Variants in PCDHA3 observed in about 807,000 individuals in gnomAD.
The protein encoded by PCDHA3 is protocadherin alpha 3, also known as protocadherin alpha-3.
A neutral mutation model predicts 62.2 loss-of-function variants in PCDHA3; 41 were observed. That is an observed-to-expected ratio of 0.66 (90% CI 0.51 to 0.86). The LOEUF is 0.86. Among genes scored for constraint, PCDHA3 ranks in the 40% least tolerant of loss-of-function variants. The probability of loss-of-function intolerance (pLI) is 0.00; values close to 1 mark genes in which losing one functional copy is unlikely to be tolerated. For synonymous variants in PCDHA3, 640 were observed against 555.4 expected, an observed-to-expected ratio of 1.15 and a Z score of -2.14; for missense variants, 1,304 against 1,241.2, an observed-to-expected ratio of 1.05 and a Z score of -0.76.
intron 3 of PCDHA3, 87 bp downstream of exon 3, chr5:140,982,650 C>T (rs1299219435): frequency 4.6e-6 from 7 of 1,507,000 alleles, no homozygotes; most frequent in Non-Finnish European, 5.3e-6. Flanking sequence ...ATGTTGATGG[C>T]TCTTTTTCTT....
chr5:140,877,178 C>T (rs370071106), intron 1 of PCDHA3: 2 of 1,613,794 alleles, frequency 1.2e-6, no homozygotes, highest in South Asian at 2.2e-5. Context: ...CTGGCGACTC[C>T]GGCTGGCAGC....
Position 140,917,330 on chromosome 5 carries a change from A to AG in PCDHA3, c.2395-61611dup, listed in dbSNP as rs1425400137. Among the ~76,000 whole-genome samples the AG allele has an allele frequency of 2.5e-4, 26 of 103,228 alleles. 2 individuals carry two copies. The highest frequency in any genetic ancestry group is 3.2e-4 in the East Asian group (1 of 3,132). The allele number at this position is 103,228 out of a possible 152,430, so 67.7% of individuals were successfully genotyped here. On this transcript the variant is annotated intron_variant, in intron 1 of 3. Coordinates refer to ENST00000522353, the MANE Select transcript of PCDHA3 (RefSeq NM_018906.3). Reference sequence around the variant, plus strand: ...CAATTTGGTGTTCATGTGGCGGGGGAGGGGGGGGATGGTGTAGGCTTCTGT... The same window carrying AG: ...CAATTTGGTGTTCATGTGGCGGGGGAGGGGGGGGGATGGTGTAGGCTTCTGT...
At chr5:140,883,547 G>GC in intron 1 of PCDHA3, 5 of 1,614,234 alleles carry the variant, frequency 3.1e-6, no homozygotes, top group Non-Finnish European at 3.4e-6. Context: ...GGTGGTGACC[G>GC]CGCGGGACGG....
chr5:140,802,681 T>C lies in PCDHA3; in HGVS notation c.1484T>C (p.Val495Ala). The C allele has an allele frequency of 6.2e-7, 1 of 1,613,198 alleles. No homozygotes were observed. Among genetic ancestry groups the C allele is most frequent in the Non-Finnish European group, 8.5e-7 (1 of 1,179,816 alleles). The change falls in exon 1 of 4, where the codon GTG (valine) becomes GCG (alanine). Residue 495 changes from valine to alanine, a missense_variant. Physicochemically the swap from Val to Ala is moderately conservative, Grantham distance 64. Coordinates refer to ENST00000522353, the MANE Select transcript of PCDHA3 (RefSeq NM_018906.3). ...AACGCCCTGGTGTCCTACTCGCTGG[T>C]GGAACGGCGGGTGGGGGAGCGCGCG... ...QENALVSYSL[V>A]ERRVGERALS... is the part of the protein sequence containing the mutation.
chr5:140,916,242 T>A (rs1554197354), intron 1 of PCDHA3, among the ~76,000 whole-genome samples: 1 of 152,208 alleles, frequency 6.6e-6, no homozygotes, highest in Non-Finnish European at 1.5e-5. Flanking sequence ...AGCCAAAGCC[T>A]GGACTTGGGG....
chr5:140,922,131 TTATCC>T (rs2080656521), intron 1 of PCDHA3, among the ~76,000 whole-genome samples: 1 of 152,176 alleles, frequency 6.6e-6, no homozygotes, highest in South Asian at 2.1e-4. Context: ...TAAATGTCTC[TTATCC>T]TCCATGAAAC....
intron 1 of PCDHA3, chr5:140,969,203 G>T (rs781962982): frequency 8.1e-6 from 13 of 1,614,178 alleles, no homozygotes; most frequent in Non-Finnish European, 1.1e-5. Flanking sequence ...CAATACAGGG[G>T]CCCAGACAGG....
chr5:140,801,078 T>C lies in PCDHA3; in HGVS notation c.-120T>C. 1 of 1,478,150 alleles carries C rather than the reference T, an allele frequency of 6.8e-7. No individual in the cohort carries two copies. Among genetic ancestry groups the C allele is most frequent in the Non-Finnish European group, 8.9e-7 (1 of 1,121,172 alleles). 91.6% of individuals were successfully genotyped at this position (1,478,150 alleles called of 1,614,324 possible). The stretch of plus-strand genomic sequence containing the variant: ...GTGCATTACGTATTCAGATACTGCT[T>C]TGCTTCATCCTCTCTAAAATTTAAC... On this transcript the variant is annotated 5_prime_UTR_variant, in exon 1 of 4. Transcript: ENST00000522353.
intron 1 of PCDHA3, among the ~76,000 whole-genome samples, chr5:140,890,695 A>T (rs1196447488): frequency 6.6e-6 from 1 of 152,200 alleles, no homozygotes; most frequent in Non-Finnish European, 1.5e-5. Context: ...AAATGCAGGG[A>T]CCTTACATTT....
chr5:140,842,992 C>A, intron 1 of PCDHA3: 1 of 1,594,970 alleles, frequency 6.3e-7, no homozygotes, highest in Non-Finnish European at 8.6e-7. Flanking sequence ...TCGTGCTGGA[C>A]GAGAATGACA....
rs1777975197 is a variant in PCDHA3 at position 140,842,460 on chromosome 5, G to C, written c.2394+38869G>C. On this transcript the variant is annotated intron_variant, in intron 1 of 3. Coordinates refer to ENST00000522353, the MANE Select transcript of PCDHA3 (RefSeq NM_018906.3). ...ATTAGCGTGAACGACCTCGATTCAGGTGCCAACGGGCAGGTGACCTGCTCC... is the reference window on the plus strand; with the variant it reads ...ATTAGCGTGAACGACCTCGATTCAGCTGCCAACGGGCAGGTGACCTGCTCC... 1 of 1,613,782 alleles carries C rather than the reference G, an allele frequency of 6.2e-7. No homozygotes were observed. The highest frequency in any genetic ancestry group is 1.1e-5 in the South Asian group (1 of 91,070).
At chr5:140,850,996 T>A (rs2150505224) in intron 1 of PCDHA3, 3 of 1,441,956 alleles carry the variant, frequency 2.1e-6, no homozygotes, top group South Asian at 1.6e-5. Flanking sequence ...TTTCTAGAAA[T>A]CCAGCAGATT....
chr5:140,882,104 A>C, intron 1 of PCDHA3: 2 of 1,343,832 alleles, frequency 1.5e-6, no homozygotes. Context: ...CGTTTCCGCG[A>C]AGAAAGCCGC....
chr5:140,829,414 G>T lies in PCDHA3; in HGVS notation c.2394+25823G>T, dbSNP rs2150167500. On this transcript the variant is annotated intron_variant, in intron 1 of 3. Transcript: ENST00000522353. ...CTTCGCTGTGGGCCACCGCCAGCTTGTCTGTGGAGGTGGCCGACATGAATG... is the reference window on the plus strand; with the variant it reads ...CTTCGCTGTGGGCCACCGCCAGCTTTTCTGTGGAGGTGGCCGACATGAATG... 5.0e-6 allele frequency: 8 copies of T among 1,614,162 alleles called. No homozygotes were observed. In the East Asian group the frequency reaches 1.8e-4, roughly 36 times the overall value.
At chr5:140,809,029 G>T (rs1245883227) in intron 1 of PCDHA3, 1 of 1,613,858 alleles carries the variant, frequency 6.2e-7, no homozygotes. Context: ...TGCAGCCGGG[G>T]ACTGGTGGCG....
chr5:140,803,930 A>G, intron 1 of PCDHA3: 2 of 439,354 alleles, frequency 4.6e-6, no homozygotes, highest in Non-Finnish European at 8.1e-6. Context: ...TTTTATACTT[A>G]TCCCTATACA....
At chr5:140,990,227 A>G (rs1424384055) in intron 3 of PCDHA3, among the ~76,000 whole-genome samples, 1 of 152,134 alleles carries the variant, frequency 6.6e-6, no homozygotes, top group Non-Finnish European at 1.5e-5. Flanking sequence ...GTTTATTGTA[A>G]CTAGCGTTGT....
At chr5:140,803,740 G>A (rs2240693) in intron 1 of PCDHA3, 149 bp downstream of exon 1, 1 of 1,352,158 alleles carries the variant, frequency 7.4e-7, no homozygotes, top group Non-Finnish European at 1.0e-6. Context: ...GGTTAAAACG[G>A]TAAGATTTTT....
At chr5:140,960,177 G>C (rs2095530246) in intron 1 of PCDHA3, among the ~76,000 whole-genome samples, 1 of 152,052 alleles carries the variant, frequency 6.6e-6, no homozygotes, top group Non-Finnish European at 1.5e-5. Flanking sequence ...CTTAAGTTAG[G>C]GGTTGCATGT....
Sources: allele counts gnomAD v4.1 joint callset (sites outside exome capture counted in the v4.1 genomes callset), GRCh38; gene constraint gnomAD v4.1.1; transcripts MANE v1.5; gene names NCBI Gene and HGNC (gene_info 2026-07-23, HGNC 2026-07-21).